Variants in HPS5 observed in about 807,000 individuals in gnomAD.
The protein encoded by HPS5 is BLOC-2 complex member HPS5.
In HPS5, 83 loss-of-function variants were observed where a neutral mutation model predicts 128.0. The observed-to-expected ratio is 0.65, with a 90% CI of 0.54 to 0.78. The LOEUF is 0.78. Ranked by LOEUF, HPS5 falls within the 30% of genes least tolerant of loss-of-function variation. The pLI, the probability that HPS5 is intolerant of heterozygous loss-of-function variation, is 0.00. For missense variants in HPS5, 1,281 were observed against 1,326.2 expected (o/e 0.97, Z 0.53); for synonymous variants, 475 against 470.2 (o/e 1.01, Z -0.13).
At position 18,301,434 on chromosome 11, in the gene HPS5, C is replaced by CA. The variant is rs1304974147; in HGVS notation, c.897-519dup. Among the ~76,000 whole-genome samples the CA allele has an allele frequency of 4.8e-5, 6 of 123,748 alleles. No individual in the cohort carries two copies. In the Admixed American group the frequency reaches 6.2e-4, roughly 13 times the overall value. 81.2% of individuals were successfully genotyped at this position (123,748 alleles called of 152,430 possible). A position where few individuals can be genotyped will look rare whatever the true frequency, so the allele number is the denominator to read the frequency against. The stretch of plus-strand genomic sequence containing the variant: ...TGCCACTGCACTCCAGCCTGGGTGA[C>CA]AGCCTGGGTGACTCTGTCTCAAAAA... On this transcript the variant is annotated intron_variant, in intron 8 of 22. Transcript: ENST00000349215.
chr11:18,304,527 T>C (rs1483410018), intron 8 of HPS5, among the ~76,000 whole-genome samples: 1 of 152,212 alleles, frequency 6.6e-6, no homozygotes. Context: ...AATTCACTTT[T>C]AAATACTTCA....
At position 18,297,623 on chromosome 11, in the gene HPS5, A is replaced by G; in HGVS notation, c.1259T>C (p.Leu420Ser). ...ATCCAAAGGTTCAAATTTTAAGATC[A>G]ATTCTTCCAGTTGAGAAATTAGATC... The part of the protein sequence containing the change: ...YNDLISQLEE[L>S]ILKFEPLDSA... The change falls in exon 11 of 23, where the codon TTG (leucine) becomes TCG (serine). Residue 420 changes from leucine (L) to serine (S), a missense_variant. Leu to Ser is a moderately radical substitution (Grantham distance 145, BLOSUM62 -2). Transcript: ENST00000349215. 1 of 1,613,974 alleles carries G rather than the reference A, an allele frequency of 6.2e-7. No homozygotes were observed. The highest frequency in any genetic ancestry group is 8.5e-7 in the Non-Finnish European group (1 of 1,179,802).
intron 8 of HPS5, among the ~76,000 whole-genome samples, chr11:18,301,392 G>A (rs904845856): frequency 4.7e-5 from 7 of 147,496 alleles, no homozygotes; most frequent in Non-Finnish European, 7.4e-5. Context: ...GGCGGAGGTT[G>A]CAGTGAGCCA....
chr11:18,284,128 A>G (rs1378373790), intron 20 of HPS5, among the ~76,000 whole-genome samples: 1 of 151,974 alleles, frequency 6.6e-6, no homozygotes, highest in Non-Finnish European at 1.5e-5. Context: ...GAATATCTCC[A>G]CTATCACAGA....
At chr11:18,295,929 A>G (rs980042520) in intron 13 of HPS5, 70 bp downstream of exon 13, 1 of 1,490,578 alleles carries the variant, frequency 6.7e-7, no homozygotes, top group South Asian at 1.1e-5. Context: ...CATTCTCAGC[A>G]CAAATTACCT....
intron 11 of HPS5, 148 bp from the exon 12 acceptor site, chr11:18,297,132 A>C (rs368449567): frequency 4.4e-5 from 29 of 664,084 alleles, no homozygotes; most frequent in East Asian, 3.2e-4. Context: ...AGCAAGGCTT[A>C]GGTGCCTGGC....
chr11:18,308,823 GAAA>G lies in HPS5; in HGVS notation c.611+120_611+122del. The G allele has an allele frequency of 6.9e-6, 6 of 875,368 alleles. 1 individual carries two copies. The Admixed American group carries it at 8.0e-5, about 12-fold the overall frequency. 54.2% of individuals were successfully genotyped at this position (875,368 alleles called of 1,614,324 possible). A position where few individuals can be genotyped will look rare whatever the true frequency, so the allele number is the denominator to read the frequency against. ...AGAGTGAGACCCCATCTCAAAAAAA[GAAA>G]AAAAAGAAAAAGAAAAAAAATCTGT... On this transcript the variant is annotated intron_variant, in intron 6 of 22. Coordinates refer to ENST00000349215, the MANE Select transcript of HPS5 (RefSeq NM_181507.2).
chr11:18,295,945 G>A, intron 13 of HPS5, 54 bp downstream of exon 13: 2 of 1,555,874 alleles, frequency 1.3e-6, no homozygotes, highest in Non-Finnish European at 1.8e-6. Context: ...TACCTAATGT[G>A]AGAACTGAAA....
Position 18,310,808 on chromosome 11 carries a change from C to A in HPS5, c.410G>T (p.Arg137Ile), listed in dbSNP as rs1424383011. The A allele has an allele frequency of 6.2e-7, 1 of 1,614,128 alleles. No individual in the cohort carries two copies. Among genetic ancestry groups the A allele is most frequent in the Admixed American group, 1.7e-5 (1 of 60,022 alleles). ...CCCAGCATGATCACCTACAAAAACT[C>A]TAAGAATAGCTGTATCCCAGCAGAG... ...TALCWDTAIL[R>I]VFVGDHAGKV... Residue 137 changes from arginine to isoleucine, a missense_variant, in exon 5 of 23, where the codon AGA becomes ATA. Coordinates refer to ENST00000349215, the MANE Select transcript of HPS5 (RefSeq NM_181507.2).
rs139349345 is a variant in HPS5 at position 18,296,097 on chromosome 11, C to T, written c.1536G>A (p.Met512Ile). 9.9e-5 allele frequency: 159 copies of T among 1,613,406 alleles called. 2 individuals are homozygous for T. The East Asian group carries it at 3.5e-3, about 36-fold the overall frequency. Residue 512 changes from methionine to isoleucine, a missense_variant, in exon 13 of 23, where the codon ATG (methionine) becomes ATA (isoleucine). Coordinates refer to ENST00000349215, the MANE Select transcript of HPS5 (RefSeq NM_181507.2). ...NEDNVSHAPV[M>I]FETDKNETFL... Reference sequence around the variant, plus strand: ...AAGTTTCATTCTTATCTGTCTCAAACATCACTGGAGCATGAGAAACATTGT... The same window carrying T: ...AAGTTTCATTCTTATCTGTCTCAAATATCACTGGAGCATGAGAAACATTGT...
chr11:18,297,037 C>T (rs1861161906), intron 11 of HPS5, 53 bp from the exon 12 acceptor site: 12 of 1,152,728 alleles, frequency 1.0e-5, no homozygotes, highest in Admixed American at 1.8e-5. Flanking sequence ...TCCTTTATAA[C>T]GTTAATATAA....
At chr11:18,283,150 A>G (rs1437579921) in intron 21 of HPS5, among the ~76,000 whole-genome samples, 1 of 151,962 alleles carries the variant, frequency 6.6e-6, no homozygotes. Flanking sequence ...TACAAGCATA[A>G]GCCACCATGC....
intron 16 of HPS5, 59 bp from the exon 17 acceptor site, chr11:18,288,072 T>C: frequency 6.3e-7 from 1 of 1,585,746 alleles, no homozygotes; most frequent in Non-Finnish European, 8.6e-7. Context: ...ATATTCAATT[T>C]ATGAACATGT....
At chr11:18,319,300 A>G (rs1273837411) in intron 1 of HPS5, among the ~76,000 whole-genome samples, 1 of 74,406 alleles carries the variant, frequency 1.3e-5, no homozygotes, top group Non-Finnish European at 2.9e-5. Context: ...CACACATCTT[A>G]TAAGGGAAAC....
intron 16 of HPS5, among the ~76,000 whole-genome samples, chr11:18,288,332 A>G (rs1038369659): frequency 4.6e-5 from 7 of 152,378 alleles, no homozygotes; most frequent in South Asian, 2.1e-4. Flanking sequence ...GCAACTGTCC[A>G]TATAAGCACA....
rs1338278363 is a variant in HPS5 at position 18,298,959 on chromosome 11, C to T, written c.997G>A (p.Val333Met). ...LWSEVKDIQD[V>M]AVCRNELFCL... Reference sequence around the variant, plus strand: ...AACAATTCATTCCTACAGACAGCCACATCCTGAATATCTACGAAAACCACA... The same window carrying T: ...AACAATTCATTCCTACAGACAGCCATATCCTGAATATCTACGAAAACCACA... The change falls in exon 10 of 23, where the codon GTG (valine) becomes ATG (methionine). Residue 333 changes from valine to methionine, a missense_variant. By Grantham distance (21) the Val-to-Met change is conservative. Transcript: ENST00000349215. 2.5e-6 allele frequency: 4 copies of T among 1,614,078 alleles called. No individual in the cohort carries two copies. The highest frequency in any genetic ancestry group is 1.3e-5 in the African/African-American group (1 of 74,926).
chr11:18,311,512 T>TTTA (rs1554944991), intron 3 of HPS5, 61 bp from the exon 4 acceptor site: 29 of 482,478 alleles, frequency 6.0e-5, no homozygotes, highest in Non-Finnish European at 7.9e-5. Flanking sequence ...ATTATTATTA[T>TTTA]TTTTTTTTTT....
intron 2 of HPS5, 91 bp downstream of exon 2, chr11:18,317,660 G>T: frequency 7.8e-7 from 1 of 1,277,456 alleles, no homozygotes; most frequent in Non-Finnish European, 1.1e-6. Context: ...GAACACCCAA[G>T]ATTCCACAAA....
At chr11:18,314,339 G>C (rs561518417) in intron 2 of HPS5, 2 of 152,390 alleles carry the variant, frequency 1.3e-5, no homozygotes, top group African/African-American at 4.8e-5. Context: ...GACAAGCCTG[G>C]CCAACATGGC....
Sources: allele counts gnomAD v4.1 joint callset (sites outside exome capture counted in the v4.1 genomes callset), GRCh38; gene constraint gnomAD v4.1.1; transcripts MANE v1.5; gene names NCBI Gene and HGNC (gene_info 2026-07-23, HGNC 2026-07-21).